The following DPYD variants were observed in gnomAD, a reference collection of about 807,000 sequenced individuals.
DPYD encodes the protein dihydropyrimidine dehydrogenase.
DPYD carries 109 observed loss-of-function variants against 116.2 expected under a neutral mutation model. That is an observed-to-expected ratio of 0.94 (90% CI 0.80 to 1.10). The LOEUF (loss-of-function observed/expected upper bound fraction) is 1.10. Among genes scored for constraint, DPYD ranks in the 50% least tolerant of loss-of-function variants. DPYD has a pLI of 0.00. For missense variants in DPYD, 1,302 were observed against 1,254.5 expected, an observed-to-expected ratio of 1.04 and a Z score of -0.57; for synonymous variants, 440 against 432.0, an observed-to-expected ratio of 1.02 and a Z score of -0.23.
At chr1:97,095,060 G>A (rs372353290) in intron 21 of DPYD, among the ~76,000 whole-genome samples, 1 of 152,070 alleles carries the variant, frequency 6.6e-6, no homozygotes, top group Non-Finnish European at 1.5e-5. Context: ...TGTAAAAGGG[G>A]TATTTTAAGT....
intron 13 of DPYD, among the ~76,000 whole-genome samples, chr1:97,479,185 C>G (rs553593681): frequency 1.3e-5 from 2 of 152,314 alleles, no homozygotes; most frequent in East Asian, 3.9e-4. Flanking sequence ...AACAACTTGG[C>G]TAACTGTTTG....
At chr1:97,134,506 A>C (rs1198838759) in intron 20 of DPYD, among the ~76,000 whole-genome samples, 1 of 152,176 alleles carries the variant, frequency 6.6e-6, no homozygotes, top group African/African-American at 2.4e-5. Flanking sequence ...AATAATAGTC[A>C]TGATTTCTTG....
At chr1:97,560,003 C>A (rs1652029236) in intron 11 of DPYD, among the ~76,000 whole-genome samples, 2 of 151,966 alleles carry the variant, frequency 1.3e-5, no homozygotes, top group African/African-American at 4.8e-5. Context: ...AAGGTCACAC[C>A]CTTAGGATTT....
chr1:97,913,297 T>A (rs1387564802), intron 1 of DPYD, among the ~76,000 whole-genome samples: 1 of 152,192 alleles, frequency 6.6e-6, no homozygotes, highest in Non-Finnish European at 1.5e-5. Flanking sequence ...CACTCAATCC[T>A]ACCAAGTATG....
At chr1:97,829,729 A>G (rs1242547520) in intron 2 of DPYD, among the ~76,000 whole-genome samples, 7 of 151,830 alleles carry the variant, frequency 4.6e-5, no homozygotes, top group Admixed American at 3.9e-4. Flanking sequence ...CTCTTTGCCA[A>G]TCCTACTGCA....
intron 13 of DPYD, among the ~76,000 whole-genome samples, chr1:97,505,983 A>G (rs1647294411): frequency 6.6e-6 from 1 of 151,968 alleles, no homozygotes; most frequent in African/African-American, 2.4e-5. Context: ...GTGATAGGGC[A>G]GTTTGAGTGA....
Position 97,661,796 on chromosome 1 carries a change from A to C in DPYD, c.850+17299T>G, listed in dbSNP as rs144068621. On this transcript the variant is annotated intron_variant, in intron 8 of 22. Transcript: ENST00000370192. ...ACAAGCTATATGTTAATTAATGTTA[A>C]GGAAATTTGCTTTTTAAAACTCCCC... is the stretch of plus-strand genomic sequence containing the variant. 1.5e-3 allele frequency among the ~76,000 whole-genome samples: 231 copies of C among 152,148 alleles called. 1 individual carries two copies. The highest frequency in any genetic ancestry group is 5.4e-3 in the African/African-American group (224 of 41,534).
rs1428888492 is a variant in DPYD at position 97,486,307 on chromosome 1, A to C, written c.1740+29419T>G. The stretch of plus-strand genomic sequence containing the variant: ...TTGGCCTTCCATTTTGCAGTTTTTA[A>C]GGGCTGAAGAGAACACTCAATTTTT... On this transcript the variant is annotated intron_variant, in intron 13 of 22. Transcript: ENST00000370192. 2.1e-4 allele frequency among the ~76,000 whole-genome samples: 32 copies of C among 152,290 alleles called. No individual in the cohort carries two copies. The South Asian group carries it at 6.6e-3, about 32-fold the overall frequency.
At chr1:97,688,960 CTT>C (rs1423611750) in intron 7 of DPYD, among the ~76,000 whole-genome samples, 2 of 151,348 alleles carry the variant, frequency 1.3e-5, no homozygotes, top group African/African-American at 2.4e-5. Context: ...TTTTGATTAA[CTT>C]TTTAAATTAA....
chr1:97,769,032 T>C (rs568668153), intron 3 of DPYD, among the ~76,000 whole-genome samples: 1 of 152,058 alleles, frequency 6.6e-6, no homozygotes, highest in Non-Finnish European at 1.5e-5. Flanking sequence ...GTTTTCCATA[T>C]GAGATTACAA....
intron 3 of DPYD, among the ~76,000 whole-genome samples, chr1:97,800,603 T>A (rs1288825538): frequency 6.6e-6 from 1 of 151,938 alleles, no homozygotes; most frequent in Non-Finnish European, 1.5e-5. Flanking sequence ...TCCTTCTTCC[T>A]CACCAGATAA....
At chr1:97,131,011 A>C (rs1206049962) in intron 20 of DPYD, among the ~76,000 whole-genome samples, 1 of 151,902 alleles carries the variant, frequency 6.6e-6, no homozygotes, top group African/African-American at 2.4e-5. Flanking sequence ...ACAAGTTTTA[A>C]GTATGAACAG....
chr1:97,433,745 T>C (rs1366105026), intron 14 of DPYD, among the ~76,000 whole-genome samples: 3 of 152,154 alleles, frequency 2.0e-5, no homozygotes, highest in Non-Finnish European at 4.4e-5. Context: ...AGGCAACAAC[T>C]GTGAGTCATA....
At chr1:97,842,491 T>C (rs1487161948) in intron 2 of DPYD, among the ~76,000 whole-genome samples, 1 of 152,054 alleles carries the variant, frequency 6.6e-6, no homozygotes, top group Non-Finnish European at 1.5e-5. Context: ...GACATTTTAA[T>C]ACAATTGAGT....
chr1:97,720,326 A>C (rs1474743540), intron 5 of DPYD: 10 of 985,394 alleles, frequency 1.0e-5, no homozygotes, highest in Non-Finnish European at 1.2e-5. Flanking sequence ...GCCCTGGTTT[A>C]ATGAAGAGGC....
chr1:97,820,328 A>C (rs1668857859), intron 3 of DPYD, among the ~76,000 whole-genome samples: 1 of 152,070 alleles, frequency 6.6e-6, no homozygotes, highest in Non-Finnish European at 1.5e-5. Context: ...CTGAAAAACT[A>C]CCTCTTTTAA....
chr1:97,528,391 T>G (rs1298548366), intron 12 of DPYD, among the ~76,000 whole-genome samples: 1 of 152,170 alleles, frequency 6.6e-6, no homozygotes, highest in Non-Finnish European at 1.5e-5. Context: ...TCTTCTATAC[T>G]TGTAATCTGA....
intron 8 of DPYD, among the ~76,000 whole-genome samples, chr1:97,598,359 T>C (rs1355755723): frequency 6.6e-6 from 1 of 152,228 alleles, no homozygotes; most frequent in Non-Finnish European, 1.5e-5. Context: ...CTGAAATGAC[T>C]TTTTAATTCA....
At chr1:97,212,901 T>C (rs544027209) in intron 19 of DPYD, among the ~76,000 whole-genome samples, 5 of 152,264 alleles carry the variant, frequency 3.3e-5, no homozygotes, top group Admixed American at 3.3e-4. Context: ...ACACCTGTCT[T>C]AGCCTGTTTG....
Sources: gnomAD v4.1 joint callset for allele counts (sites outside exome capture counted in the v4.1 genomes callset) on GRCh38, gnomAD v4.1.1 for gene constraint, MANE v1.5 for transcripts, NCBI Gene and HGNC (gene_info 2026-07-23, HGNC 2026-07-21) for gene names.